DOCK3: variants seen among roughly 807,000 people sequenced by gnomAD.
DOCK3 encodes dedicator of cytokinesis protein 3.
A neutral mutation model predicts 265.6 loss-of-function variants in DOCK3; 60 were observed. The observed-to-expected ratio is 0.23, with a 90% CI of 0.18 to 0.28. DOCK3 has a LOEUF of 0.28. DOCK3 is among the 10% of genes least tolerant of loss of function. The pLI is 1.00. For synonymous variants in DOCK3, 881 were observed against 938.0 expected (o/e 0.94, Z 1.11); for missense variants, 1,981 against 2,594.3 (o/e 0.76, Z 5.14).
intron 1 of DOCK3, among the ~76,000 whole-genome samples, chr3:50,701,127 G>GT (rs372596576): frequency 0.1 from 11,465 of 113,462 alleles, 678 homozygotes; most frequent in Non-Finnish European, 0.14. Context: ...TGTGGCCCTT[G>GT]TTTTTTTTTT....
intron 7 of DOCK3, among the ~76,000 whole-genome samples, chr3:51,087,943 G>A (rs1348980116): frequency 6.6e-6 from 1 of 152,058 alleles, no homozygotes; most frequent in Non-Finnish European, 1.5e-5. Flanking sequence ...TGAGACACCA[G>A]CACCCTTGTG....
intron 12 of DOCK3, among the ~76,000 whole-genome samples, chr3:51,194,807 T>G (rs1193789797): frequency 6.6e-6 from 1 of 151,672 alleles, no homozygotes; most frequent in Non-Finnish European, 1.5e-5. Flanking sequence ...GTGTCTTTAC[T>G]GCTAAGGTGA....
chr3:51,372,584 TGAGCTCCACGAGGTGAGA>T, intron 49 of DOCK3, among the ~76,000 whole-genome samples: 1 of 152,212 alleles, frequency 6.6e-6, no homozygotes, highest in African/African-American at 2.4e-5. Flanking sequence ...AGCCAGGCTG[TGAGCTCCACGAGGTGAGA>T]GACCACGGAC....
chr3:51,088,958 C>A (rs1420740087), intron 7 of DOCK3, among the ~76,000 whole-genome samples: 1 of 152,112 alleles, frequency 6.6e-6, no homozygotes, highest in East Asian at 1.9e-4. Context: ...AAATTTAGTA[C>A]CAGGCACCGA....
intron 5 of DOCK3, among the ~76,000 whole-genome samples, chr3:50,951,006 ATT>A (rs1489260798): frequency 1.3e-5 from 2 of 152,112 alleles, no homozygotes; most frequent in East Asian, 3.8e-4. Flanking sequence ...TAGAATAAAT[ATT>A]GTTTGCTTTT....
chr3:50,806,458 C>T lies in DOCK3; in HGVS notation c.121+27700C>T, dbSNP rs893255703. On this transcript the variant is annotated intron_variant, in intron 2 of 52. Transcript: ENST00000266037. The stretch of plus-strand genomic sequence containing the variant: ...GGGTGGGAATGCTGTGGCCATGTAG[C>T]CAGGCCACTGGCCCCAGGGAATATT... Among the ~76,000 whole-genome samples the T allele has an allele frequency of 7.9e-5, 12 of 151,568 alleles. No homozygotes were observed. In the South Asian group the frequency reaches 8.4e-4, roughly 11 times the overall value.
At chr3:50,836,407 G>A (rs1246720843) in intron 2 of DOCK3, among the ~76,000 whole-genome samples, 1 of 152,210 alleles carries the variant, frequency 6.6e-6, no homozygotes, top group Non-Finnish European at 1.5e-5. Flanking sequence ...ATACCATGTA[G>A]AAGCTGCCAA....
intron 5 of DOCK3, among the ~76,000 whole-genome samples, chr3:51,014,401 C>G (rs990484341): frequency 6.6e-6 from 1 of 152,134 alleles, no homozygotes; most frequent in Non-Finnish European, 1.5e-5. Flanking sequence ...CCTCCCTCGA[C>G]ACTTATACCC....
chr3:51,012,605 G>A (rs780601837), intron 5 of DOCK3, among the ~76,000 whole-genome samples: 12 of 152,124 alleles, frequency 7.9e-5, no homozygotes, highest in Non-Finnish European at 1.3e-4. Context: ...TGGGTGAGGC[G>A]ATGCCTTGTC....
chr3:51,308,268 G>T (rs1461661338), intron 27 of DOCK3, among the ~76,000 whole-genome samples: 1 of 150,520 alleles, frequency 6.6e-6, no homozygotes, highest in Non-Finnish European at 1.5e-5. Flanking sequence ...TCTCGCAGAG[G>T]GGGATTTGGC....
At chr3:50,727,849 A>G (rs921073299) in intron 1 of DOCK3, among the ~76,000 whole-genome samples, 14 of 152,234 alleles carry the variant, frequency 9.2e-5, no homozygotes, top group Non-Finnish European at 1.6e-4. Context: ...AGATAGACAC[A>G]TCTATAATAA....
At chr3:51,076,791 A>G (rs1003485979) in intron 7 of DOCK3, among the ~76,000 whole-genome samples, 1 of 152,154 alleles carries the variant, frequency 6.6e-6, no homozygotes, top group East Asian at 1.9e-4. Flanking sequence ...TCCTGGGAGT[A>G]GGAAAAGAGA....
chr3:51,076,399 G>A (rs1391809417), intron 7 of DOCK3, among the ~76,000 whole-genome samples: 1 of 152,178 alleles, frequency 6.6e-6, no homozygotes, highest in African/African-American at 2.4e-5. Context: ...TCAGGATTTT[G>A]AGAGCAGCTT....
chr3:51,355,909 G>A (rs2086329887), intron 41 of DOCK3, among the ~76,000 whole-genome samples, 180 bp from the exon 42 acceptor site: 1 of 152,158 alleles, frequency 6.6e-6, no homozygotes, highest in South Asian at 2.1e-4. Flanking sequence ...AGAGCAGATA[G>A]AGATTTACCT....
intron 1 of DOCK3, among the ~76,000 whole-genome samples, chr3:50,724,885 C>T (rs1256174470): frequency 2.0e-5 from 3 of 151,548 alleles, no homozygotes; most frequent in Non-Finnish European, 2.9e-5. Context: ...CCTAGCCACT[C>T]GGGAGGCTGA....
At chr3:51,087,928 A>G (rs1162219477) in intron 7 of DOCK3, among the ~76,000 whole-genome samples, 2 of 152,176 alleles carry the variant, frequency 1.3e-5, no homozygotes, top group East Asian at 1.9e-4. Flanking sequence ...AAATCAGTAT[A>G]TAAATGAGAC....
In DOCK3 at chr3:51,107,932, T is replaced by G. The variant is rs1025728645; in HGVS notation, c.746+17548T>G. ...TGAAAGAAAAAATATTACAGGCAGC[T>G]AGAGAGAAAGGACAGCTCACCTACA... On this transcript the variant is annotated intron_variant, in intron 9 of 52. Transcript: ENST00000266037. Among the ~76,000 whole-genome samples, 4 of 151,848 alleles carry G rather than the reference T, an allele frequency of 2.6e-5. No homozygotes were observed. In the East Asian group the frequency reaches 7.7e-4, roughly 29 times the overall value.
intron 1 of DOCK3, among the ~76,000 whole-genome samples, chr3:50,723,390 G>A (rs1030237502): frequency 1.3e-5 from 2 of 152,176 alleles, no homozygotes; most frequent in Non-Finnish European, 2.9e-5. Flanking sequence ...GTAATGACTG[G>A]GTGGGTGTGG....
chr3:50,787,770 A>T, intron 2 of DOCK3: 1 of 1,148,200 alleles, frequency 8.7e-7, no homozygotes, highest in Non-Finnish European at 1.3e-6. Flanking sequence ...TCTTCTGCTT[A>T]TCATTCTCTC....
Sources: allele counts gnomAD v4.1 joint callset (sites outside exome capture counted in the v4.1 genomes callset), GRCh38; gene constraint gnomAD v4.1.1; transcripts MANE v1.5; gene names NCBI Gene and HGNC (gene_info 2026-07-23, HGNC 2026-07-21).